Variants in SFXN2 observed in about 807,000 individuals in gnomAD.
SFXN2 encodes the protein sideroflexin-2.
SFXN2 carries 37 observed loss-of-function variants against 41.9 expected under a neutral mutation model. That is an observed-to-expected ratio of 0.88 (90% CI 0.68 to 1.16). The LOEUF (loss-of-function observed/expected upper bound fraction) is 1.16, where lower values mean the gene tolerates loss of function less well. Ranked by LOEUF, SFXN2 falls within the 50% of genes most tolerant of loss-of-function variation. The probability of loss-of-function intolerance (pLI) is 0.00; values close to 1 mark genes in which losing one functional copy is unlikely to be tolerated. For synonymous variants in SFXN2, 150 were observed against 156.7 expected (o/e 0.96, Z 0.32); for missense variants, 386 against 425.2 (o/e 0.91, Z 0.81).
At chr10:102,715,805 C>A (rs757142705) in intron 1 of SFXN2, among the ~76,000 whole-genome samples, 1 of 151,300 alleles carries the variant, frequency 6.6e-6, no homozygotes, top group Non-Finnish European at 1.5e-5. Flanking sequence ...TTTTAATTAG[C>A]CAGGTTCCGT....
intron 1 of SFXN2, among the ~76,000 whole-genome samples, chr10:102,725,797 C>G (rs1445463480): frequency 6.6e-6 from 1 of 151,894 alleles, no homozygotes. Context: ...GGAGGCTGAC[C>G]TGGGAGGTAA....
rs188411559 is a variant in SFXN2, at chr10:102,734,162, G to A, written c.821+559G>A. Among the ~76,000 whole-genome samples, 2,378 of 152,214 alleles carry A rather than the reference G, an allele frequency of 0.016. 39 individuals are homozygous for A. The highest frequency in any genetic ancestry group is 0.02 in the Non-Finnish European group (1,393 of 68,012). On this transcript the variant is annotated intron_variant, in intron 10 of 11. Coordinates refer to ENST00000369893, the MANE Select transcript of SFXN2 (RefSeq NM_178858.6). This position sits in a 1 kb window ranked among gnomAD's most constrained non-coding sequence, Gnocchi z 4.1. ...TGGGATTATAGGCATGAGCCACTGC[G>A]CCTGGCTGTCTGGAGCAGTTTTACA...
intron 9 of SFXN2, among the ~76,000 whole-genome samples, chr10:102,733,313 ATT>A (rs56232034): frequency 5.9e-5 from 9 of 152,094 alleles, no homozygotes; most frequent in African/African-American, 1.9e-4. Flanking sequence ...ACGCCCAGCT[ATT>A]TTTTTTGTAT....
chr10:102,725,465 T>C (rs1278122051), intron 1 of SFXN2, among the ~76,000 whole-genome samples: 1 of 152,222 alleles, frequency 6.6e-6, no homozygotes, highest in Non-Finnish European at 1.5e-5. Flanking sequence ...TGCATGCCTG[T>C]AGTCCCAGCT....
rs986999602 is a variant in SFXN2 at position 102,734,400 on chromosome 10, A to C, written c.821+797A>C. Among the ~76,000 whole-genome samples the C allele has an allele frequency of 6.6e-6, 1 of 152,180 alleles. No homozygotes were observed. The highest frequency in any genetic ancestry group is 1.5e-5 in the Non-Finnish European group (1 of 68,026). On this transcript the variant is annotated intron_variant, in intron 10 of 11. Coordinates refer to ENST00000369893, the MANE Select transcript of SFXN2 (RefSeq NM_178858.6). The surrounding 1 kb of genome is among the most constrained non-coding windows in gnomAD (Gnocchi z 4.1). ...GACTGTATATTTTCTCTGTGTCCCCACTGAACCCAGTGTTTCATATCTATA... is the reference window on the plus strand; with the variant it reads ...GACTGTATATTTTCTCTGTGTCCCCCCTGAACCCAGTGTTTCATATCTATA...
At chr10:102,732,116 C>T in intron 7 of SFXN2, 36 bp from the exon 8 acceptor site, 4 of 1,593,026 alleles carry the variant, frequency 2.5e-6, no homozygotes, top group African/African-American at 2.7e-5. Flanking sequence ...ACACTGGATA[C>T]ATCATTTCTG....
intron 9 of SFXN2, 22 bp downstream of exon 9, chr10:102,732,930 A>G: frequency 1.2e-6 from 2 of 1,613,354 alleles, no homozygotes; most frequent in South Asian, 1.1e-5. Context: ...TTGCTTTGGC[A>G]TTTTCCCTGC....
intron 1 of SFXN2, chr10:102,724,827 A>G (rs1218103489): frequency 1.3e-5 from 2 of 152,116 alleles, no homozygotes; most frequent in Non-Finnish European, 2.9e-5. Flanking sequence ...AATTTTAACC[A>G]TAGTTATTTA....
At chr10:102,718,918 CTTTTTTTTTTTTTT>C (rs34471332) in intron 1 of SFXN2, among the ~76,000 whole-genome samples, 1 of 74,302 alleles carries the variant, frequency 1.3e-5, no homozygotes, top group Admixed American at 1.7e-4. Context: ...TTCTCGGCTT[CTTTTTTTTTTTTTT>C]TTTTTTTTTT....
intron 1 of SFXN2, among the ~76,000 whole-genome samples, chr10:102,718,060 C>G (rs540098936): frequency 6.6e-6 from 1 of 152,178 alleles, no homozygotes; most frequent in African/African-American, 2.4e-5. Flanking sequence ...ATGTTCCAGA[C>G]AGATCGTTTA....
chr10:102,729,101 G>A (rs1293464671), intron 4 of SFXN2, among the ~76,000 whole-genome samples: 1 of 152,238 alleles, frequency 6.6e-6, no homozygotes, highest in East Asian at 1.9e-4. Flanking sequence ...CAGAGGCTCC[G>A]AGGCAGGGAG....
rs759365015 is a variant in SFXN2 at position 102,728,544 on chromosome 10, C to T, written c.431+15C>T. ...ACATCAGTCAGGTAGGAGACCTGAA[C>T]CCCAGGCTGTCCTCGTGTCTCCCCA... is the stretch of plus-strand genomic sequence containing the variant. On this transcript the variant is annotated intron_variant, in intron 4 of 11. Coordinates refer to ENST00000369893, the MANE Select transcript of SFXN2 (RefSeq NM_178858.6). 3 of 1,605,270 alleles carry T rather than the reference C, an allele frequency of 1.9e-6. No homozygotes were observed. Among genetic ancestry groups the T allele is most frequent in the Non-Finnish European group, 2.6e-6 (3 of 1,172,062 alleles).
intron 1 of SFXN2, chr10:102,726,374 T>C: frequency 2.1e-6 from 1 of 485,908 alleles, no homozygotes; most frequent in Non-Finnish European, 3.7e-6. Context: ...TTGTCCCCTT[T>C]TCCAGTCCCT....
intron 1 of SFXN2, among the ~76,000 whole-genome samples, chr10:102,721,762 G>T (rs1205066421): frequency 6.6e-6 from 1 of 152,040 alleles, no homozygotes; most frequent in Non-Finnish European, 1.5e-5. Flanking sequence ...GGCCAAGGCA[G>T]GCAGATTGCT....
intron 11 of SFXN2, 51 bp from the exon 12 acceptor site, chr10:102,737,612 C>T (rs2064798535): frequency 1.6e-6 from 2 of 1,244,160 alleles, no homozygotes; most frequent in Admixed American, 1.7e-5. Flanking sequence ...CTGAGGGTAA[C>T]TTACTGCTTG....
chr10:102,737,765 GC>G lies in SFXN2; in HGVS notation c.*7del. 1 of 1,601,402 alleles carries G rather than the reference GC, an allele frequency of 6.2e-7. No homozygotes were observed. Among genetic ancestry groups the G allele is most frequent in the African/African-American group, 1.3e-5 (1 of 74,786 alleles). ...TCTACTTCAATAAGGGTCTCTAAAT[GC>G]CCCACTTCAGCAAGGACCAGTCTAT... is the stretch of plus-strand genomic sequence containing the variant. On this transcript the variant is annotated 3_prime_UTR_variant, in exon 12 of 12. Transcript: ENST00000369893.
chr10:102,736,195 T>C (rs111387945), intron 11 of SFXN2, among the ~76,000 whole-genome samples: 3 of 152,114 alleles, frequency 2.0e-5, no homozygotes, highest in African/African-American at 7.2e-5. Context: ...CAACAGACTT[T>C]CTCTTCCTGC....
chr10:102,729,593 C>T (rs1384832818), intron 5 of SFXN2, 130 bp from the exon 6 acceptor site: 1 of 1,162,202 alleles, frequency 8.6e-7, no homozygotes, highest in Non-Finnish European at 1.2e-6. Context: ...TTGGGGTTCC[C>T]AGACTGGGTG....
At position 102,729,764 on chromosome 10, in the gene SFXN2, T is replaced by C; in HGVS notation, c.549T>C (p.Ala183=). ...TGGGCCGCTGGGTGCCCTTTGCCGC[T>C]GTGGCTGCGGCTAACTGTGTCAATA... ...PLVGRWVPFA[A]VAAANCVNIP... The change falls in exon 6 of 12, where the codon GCT becomes GCC. Residue 183 remains alanine, a synonymous_variant. Coordinates refer to ENST00000369893, the MANE Select transcript of SFXN2 (RefSeq NM_178858.6). 1 of 1,614,072 alleles carries C rather than the reference T, an allele frequency of 6.2e-7. No homozygotes were observed. Among genetic ancestry groups the C allele is most frequent in the Non-Finnish European group, 8.5e-7 (1 of 1,180,040 alleles).
Sources: gnomAD v4.1 joint callset for allele counts (sites outside exome capture counted in the v4.1 genomes callset) on GRCh38, gnomAD v4.1.1 for gene constraint, Gnocchi (gnomAD v3.1) non-coding constraint, MANE v1.5 for transcripts, NCBI Gene and HGNC (gene_info 2026-07-23, HGNC 2026-07-21) for gene names.